Variants in USP48 observed in about 807,000 individuals in gnomAD.
USP48 encodes ubiquitin carboxyl-terminal hydrolase 48.
A neutral mutation model predicts 150.7 loss-of-function variants in USP48; 43 were observed. That is an observed-to-expected ratio of 0.29 (90% confidence interval 0.22 to 0.37). The LOEUF (loss-of-function observed/expected upper bound fraction) is 0.37. USP48 is among the 10% of genes least tolerant of loss of function. USP48 has a pLI of 1.00. For synonymous variants in USP48, 396 were observed against 425.9 expected (o/e 0.93, Z 0.86); for missense variants, 813 against 1,249.6 (o/e 0.65, Z 5.27).
At chr1:21,740,845 G>A (rs333174) in intron 8 of USP48, among the ~76,000 whole-genome samples, 122,836 of 152,204 alleles carry the variant, frequency 0.81, 50,384 homozygotes, top group Admixed American at 0.88. Flanking sequence ...ATCAAACTCC[G>A]AGAAATGGAA....
At chr1:21,773,781 G>A (rs2097889241) in intron 1 of USP48, among the ~76,000 whole-genome samples, 1 of 152,112 alleles carries the variant, frequency 6.6e-6, no homozygotes, top group Admixed American at 6.6e-5. Flanking sequence ...GGCTAGGGCA[G>A]CACGGGTTGT....
intron 22 of USP48, among the ~76,000 whole-genome samples, chr1:21,697,361 G>T (rs181579136): frequency 1.3e-5 from 2 of 151,858 alleles, no homozygotes; most frequent in East Asian, 1.9e-4. Flanking sequence ...TCTCAGTCTC[G>T]ACTGTTGAAA....
intron 1 of USP48, among the ~76,000 whole-genome samples, chr1:21,774,869 T>C (rs2097893462): frequency 6.6e-6 from 1 of 151,736 alleles, no homozygotes; most frequent in Non-Finnish European, 1.5e-5. Flanking sequence ...CCCATGCCTG[T>C]TGTCCCAGCT....
intron 1 of USP48, among the ~76,000 whole-genome samples, chr1:21,766,499 T>C (rs1323350711): frequency 1.3e-5 from 2 of 152,180 alleles, no homozygotes; most frequent in Non-Finnish European, 2.9e-5. Flanking sequence ...TCAGTTCTGT[T>C]TTGGTAGATC....
chr1:21,765,613 T>G, intron 1 of USP48, among the ~76,000 whole-genome samples: 1 of 16,364 alleles, frequency 6.1e-5, no homozygotes, highest in Admixed American at 8.0e-4. Flanking sequence ...CGAGACTCTG[T>G]CAAAAAAAAA....
chr1:21,708,474 G>A (rs2097679755), intron 15 of USP48, among the ~76,000 whole-genome samples: 1 of 151,948 alleles, frequency 6.6e-6, no homozygotes, highest in African/African-American at 2.4e-5. Context: ...CTCCAGCCTG[G>A]GCGAGGAGCA....
chr1:21,709,091 G>A (rs1021633946), intron 15 of USP48, among the ~76,000 whole-genome samples: 1 of 151,572 alleles, frequency 6.6e-6, no homozygotes, highest in African/African-American at 2.4e-5. Context: ...TTATTTTGTA[G>A]AGAGGGAGTC....
chr1:21,709,602 A>T (rs913058809), intron 15 of USP48, among the ~76,000 whole-genome samples: 1 of 151,042 alleles, frequency 6.6e-6, no homozygotes, highest in Admixed American at 6.6e-5. Context: ...AAAAAAAGAG[A>T]GCTTCTTTGT....
chr1:21,748,252 T>C lies in USP48; in HGVS notation c.794A>G (p.Asp265Gly). ...ACAGTTCTCGCAAAAATAGCGATTG[T>C]CTCCTTCTAATTTTTCTTCCTGATC... ...EFLKEEKLEG[D>G]NRYFCENCQS... Residue 265 changes from aspartate (D) to glycine (G), a missense_variant, in exon 7 of 27, where the codon GAC becomes GGC. Asp to Gly is a moderately conservative substitution (Grantham distance 94). Transcript: ENST00000308271. 1 of 1,612,522 alleles carries C rather than the reference T, an allele frequency of 6.2e-7. No individual in the cohort carries two copies. Among genetic ancestry groups the C allele is most frequent in the Non-Finnish European group, 8.5e-7 (1 of 1,179,468 alleles).
intron 15 of USP48, among the ~76,000 whole-genome samples, chr1:21,711,231 T>C (rs571685087): frequency 1.3e-5 from 2 of 152,086 alleles, no homozygotes; most frequent in Non-Finnish European, 2.9e-5. Flanking sequence ...AGTCAAGAAG[T>C]AGCCAGATTT....
rs183003238 is a variant in USP48 at position 21,770,531 on chromosome 1, G to C, written c.134+12293C>G. On this transcript the variant is annotated intron_variant, in intron 1 of 26. Coordinates refer to ENST00000308271, the MANE Select transcript of USP48 (RefSeq NM_032236.8). ...AGAGCTCACTCTGTTGCCCAGGCTG[G>C]AGTGCAGAGGCATGATCTCAGCTCA... is the stretch of plus-strand genomic sequence containing the variant. Among the ~76,000 whole-genome samples the C allele has an allele frequency of 4.0e-5, 6 of 149,408 alleles. No homozygotes were observed. In the Admixed American group the frequency reaches 4.0e-4, roughly 10 times the overall value.
At chr1:21,712,385 A>G (rs2097692628) in intron 15 of USP48, among the ~76,000 whole-genome samples, 1 of 152,054 alleles carries the variant, frequency 6.6e-6, no homozygotes, top group Non-Finnish European at 1.5e-5. Context: ...AAATAGATAA[A>G]ATGAGTTAAT....
At chr1:21,739,784 T>C (rs1233499645) in intron 8 of USP48, among the ~76,000 whole-genome samples, 1 of 152,184 alleles carries the variant, frequency 6.6e-6, no homozygotes, top group African/African-American at 2.4e-5. Flanking sequence ...GAACATCACC[T>C]CCCCATTCCT....
At chr1:21,764,566 G>C (rs1243564801) in intron 1 of USP48, among the ~76,000 whole-genome samples, 1 of 151,476 alleles carries the variant, frequency 6.6e-6, no homozygotes, top group Admixed American at 6.6e-5. Context: ...ACTTAGCCAG[G>C]TATGGTGGCA....
intron 15 of USP48, among the ~76,000 whole-genome samples, chr1:21,710,678 T>C (rs1406772560): frequency 6.6e-6 from 1 of 152,006 alleles, no homozygotes; most frequent in Non-Finnish European, 1.5e-5. Flanking sequence ...GTTAGAAATA[T>C]ATAGGGGTTT....
At position 21,703,497 on chromosome 1, in the gene USP48, A is replaced by C; in HGVS notation, c.2622+15T>G. 6.3e-7 allele frequency: 1 copy of C among 1,596,938 alleles called. No homozygotes were observed. The highest frequency in any genetic ancestry group is 1.1e-5 in the South Asian group (1 of 89,796). ...CTTGATCATTACTAGTCATTGCCAC[A>C]AGAGGGACCAGTACCTTTTTATTAT... On this transcript the variant is annotated intron_variant, in intron 21 of 26. Coordinates refer to ENST00000308271, the MANE Select transcript of USP48 (RefSeq NM_032236.8).
intron 15 of USP48, among the ~76,000 whole-genome samples, chr1:21,708,276 A>AGATCAC (rs1468864704): frequency 6.6e-6 from 1 of 151,018 alleles, no homozygotes; most frequent in South Asian, 2.1e-4. Context: ...TGAGGGGAGC[A>AGATCAC]GATCACGAGG....
At chr1:21,735,671 C>T (rs1373354389) in intron 9 of USP48, among the ~76,000 whole-genome samples, 1 of 152,124 alleles carries the variant, frequency 6.6e-6, no homozygotes, top group African/African-American at 2.4e-5. Context: ...GGTGGATCAC[C>T]TGAGGTCAGG....
intron 15 of USP48, among the ~76,000 whole-genome samples, chr1:21,714,041 G>C (rs749453290): frequency 3.9e-5 from 6 of 152,142 alleles, no homozygotes; most frequent in Non-Finnish European, 8.8e-5. Flanking sequence ...ACCATCACTA[G>C]TATCATCAAG....
Sources: gnomAD v4.1 joint callset for allele counts (sites outside exome capture counted in the v4.1 genomes callset) on GRCh38, gnomAD v4.1.1 for gene constraint, MANE v1.5 for transcripts, NCBI Gene and HGNC (gene_info 2026-07-23, HGNC 2026-07-21) for gene names.